Variants in SPRYD7 observed in about 807,000 individuals in gnomAD.
SPRYD7 encodes SPRY domain-containing protein 7.
Under a neutral mutation model 23.8 loss-of-function variants are expected in SPRYD7, and 14 were observed. That is an observed-to-expected ratio of 0.59 (90% CI 0.39 to 0.92). SPRYD7 has a LOEUF of 0.92. Among genes scored for constraint, SPRYD7 ranks in the 40% least tolerant of loss-of-function variants. SPRYD7 has a pLI of 0.00. For synonymous variants in SPRYD7, 75 were observed against 84.9 expected (o/e 0.88, Z 0.64); for missense variants, 194 against 241.7 (o/e 0.80, Z 1.31).
chr13:49,924,345 G>A (rs1230873782), intron 3 of SPRYD7, among the ~76,000 whole-genome samples: 1 of 151,864 alleles, frequency 6.6e-6, no homozygotes, highest in Non-Finnish European at 1.5e-5. Context: ...GCAGGATCAC[G>A]GCTCACTGCC....
intron 1 of SPRYD7, chr13:49,935,768 G>C (rs1871597231): frequency 5.9e-6 from 1 of 170,580 alleles, no homozygotes; most frequent in Non-Finnish European, 1.2e-5. Context: ...AGCAAGACCG[G>C]ACCTAGAAGC....
rs569650301 is a variant in SPRYD7 at position 49,926,557 on chromosome 13, T to C, written c.390+1362A>G. Among the ~76,000 whole-genome samples the C allele has an allele frequency of 1.1e-4, 16 of 152,318 alleles. No individual in the cohort carries two copies. The East Asian group carries it at 3.1e-3, about 29-fold the overall frequency. ...ATGCCTTTCATCTCCTTTTTTTCTTTAGTCAATTCTGGAAAAAAAACTTCC... is the reference window on the plus strand; with the variant it reads ...ATGCCTTTCATCTCCTTTTTTTCTTCAGTCAATTCTGGAAAAAAAACTTCC... On this transcript the variant is annotated intron_variant, in intron 3 of 4. Coordinates refer to ENST00000361840, the MANE Select transcript of SPRYD7 (RefSeq NM_020456.4).
chr13:49,928,478 T>G (rs1043256545), intron 2 of SPRYD7, among the ~76,000 whole-genome samples: 1 of 152,152 alleles, frequency 6.6e-6, no homozygotes, highest in Non-Finnish European at 1.5e-5. Context: ...TTGCAAACTA[T>G]ACTATGTTCT....
At chr13:49,923,229 C>T (rs1020739572) in intron 3 of SPRYD7, among the ~76,000 whole-genome samples, 2 of 151,504 alleles carry the variant, frequency 1.3e-5, no homozygotes, top group Non-Finnish European at 2.9e-5. Context: ...TGGCCGATTG[C>T]AAACAAACAA....
chr13:49,922,706 C>T (rs550857295), intron 3 of SPRYD7, among the ~76,000 whole-genome samples: 1 of 152,130 alleles, frequency 6.6e-6, no homozygotes, highest in Admixed American at 6.6e-5. Context: ...TGAAAGACAG[C>T]AGAGATCTTT....
At chr13:49,926,702 C>G (rs551976076) in intron 3 of SPRYD7, among the ~76,000 whole-genome samples, 1 of 152,192 alleles carries the variant, frequency 6.6e-6, no homozygotes, top group South Asian at 2.1e-4. Context: ...AAATACTGTA[C>G]CTTTTCATAA....
intron 4 of SPRYD7, among the ~76,000 whole-genome samples, chr13:49,917,724 A>G (rs1452170313): frequency 1.3e-5 from 2 of 152,230 alleles, no homozygotes; most frequent in Non-Finnish European, 2.9e-5. Context: ...AACTTGTATA[A>G]CTGTCACTCT....
intron 1 of SPRYD7, among the ~76,000 whole-genome samples, chr13:49,932,923 T>C (rs1384463942): frequency 6.6e-6 from 1 of 152,220 alleles, no homozygotes; most frequent in Non-Finnish European, 1.5e-5. Flanking sequence ...AGTACCTTTA[T>C]AAATAATTTG....
At chr13:49,933,046 G>C (rs61960445) in intron 1 of SPRYD7, among the ~76,000 whole-genome samples, 3 of 152,020 alleles carry the variant, frequency 2.0e-5, no homozygotes, top group African/African-American at 7.3e-5. Context: ...AACTGATAAA[G>C]GTTGAATTAA....
At chr13:49,927,368 C>T (rs1035887545) in intron 3 of SPRYD7, among the ~76,000 whole-genome samples, 3 of 151,890 alleles carry the variant, frequency 2.0e-5, no homozygotes, top group East Asian at 1.9e-4. Context: ...TGGTGGTGTG[C>T]GCCTGTAATC....
rs543081981 is a variant in SPRYD7, at chr13:49,929,794, CT to C, written c.223+1223del. Among the ~76,000 whole-genome samples, 93 of 138,248 alleles carry C rather than the reference CT, an allele frequency of 6.7e-4. No homozygotes were observed. In the Middle Eastern group the frequency reaches 0.012, roughly 18 times the overall value. 90.7% of individuals were successfully genotyped at this position (138,248 alleles called of 152,430 possible). ...AGGCGTGAGCCACCACGCCCAGCCA[CT>C]TTTTTTTTTTTTGAGACGGAGTCTC... On this transcript the variant is annotated intron_variant, in intron 2 of 4. Transcript: ENST00000361840.
At chr13:49,924,894 T>G (rs554023169) in intron 3 of SPRYD7, among the ~76,000 whole-genome samples, 1 of 150,878 alleles carries the variant, frequency 6.6e-6, no homozygotes, top group South Asian at 2.1e-4. Flanking sequence ...GAGAACCGCT[T>G]GAACCCGGGA....
intron 4 of SPRYD7, among the ~76,000 whole-genome samples, chr13:49,918,729 T>G (rs1955781301): frequency 6.6e-6 from 1 of 151,588 alleles, no homozygotes; most frequent in Non-Finnish European, 1.5e-5. Context: ...TATTTTTTTT[T>G]GTGGAGACTA....
At chr13:49,928,152 G>T in intron 2 of SPRYD7, 67 bp from the exon 3 acceptor site, 1 of 1,427,506 alleles carries the variant, frequency 7.0e-7, no homozygotes, top group African/African-American at 1.4e-5. Flanking sequence ...ATTTTAAAAG[G>T]GAGTATAAAC....
In SPRYD7 at chr13:49,921,599, A is replaced by T; in HGVS notation, c.391-19T>A. 1 of 1,476,488 alleles carries T rather than the reference A, an allele frequency of 6.8e-7. No individual in the cohort carries two copies. The highest frequency in any genetic ancestry group is 9.5e-7 in the Non-Finnish European group (1 of 1,056,146). The allele number at this position is 1,476,488 out of a possible 1,614,324, so 91.5% of individuals were successfully genotyped here. A position where few individuals can be genotyped will look rare whatever the true frequency, so the allele number is the denominator to read the frequency against. The stretch of plus-strand genomic sequence containing the variant: ...TAATACCCTAGGAAGGAAAAAACAG[A>T]AACGTTCCATAAAAGCTGAGCCGTC... On this transcript the variant is annotated intron_variant, in intron 3 of 4. Transcript: ENST00000361840.
intron 3 of SPRYD7, among the ~76,000 whole-genome samples, chr13:49,927,508 CAAG>C (rs1184745609): frequency 1.3e-5 from 2 of 149,244 alleles, no homozygotes; most frequent in Non-Finnish European, 1.5e-5. Flanking sequence ...AAAAAAAAAA[CAAG>C]AAGAAGAAAT....
chr13:49,927,543 G>A (rs1399330362), intron 3 of SPRYD7, among the ~76,000 whole-genome samples: 2 of 150,836 alleles, frequency 1.3e-5, no homozygotes, highest in African/African-American at 4.9e-5. Flanking sequence ...TTTTCCCTAA[G>A]AGATATCCAG....
At chr13:49,920,164 T>C (rs1243484706) in intron 4 of SPRYD7, among the ~76,000 whole-genome samples, 1 of 151,832 alleles carries the variant, frequency 6.6e-6, no homozygotes, top group Admixed American at 6.6e-5. Context: ...GGTGGGAGGA[T>C]TGCTTGAACC....
rs772285274 is a variant in SPRYD7 at position 49,921,612 on chromosome 13, A to T, written c.391-32T>A. The stretch of plus-strand genomic sequence containing the variant: ...AGGAAAAAACAGAAACGTTCCATAA[A>T]AGCTGAGCCGTCAGAAAGCATTGAC... On this transcript the variant is annotated intron_variant, in intron 3 of 4. Transcript: ENST00000361840. 12 of 1,363,308 alleles carry T rather than the reference A, an allele frequency of 8.8e-6. 1 individual carries two copies. The South Asian group carries it at 1.4e-4, about 16-fold the overall frequency. The allele number at this position is 1,363,308 out of a possible 1,614,324, so 84.5% of individuals were successfully genotyped here.
Sources: gnomAD v4.1 joint callset for allele counts (sites outside exome capture counted in the v4.1 genomes callset) on GRCh38, gnomAD v4.1.1 for gene constraint, MANE v1.5 for transcripts, NCBI Gene and HGNC (gene_info 2026-07-23, HGNC 2026-07-21) for gene names.